The following LRMDA variants were observed in gnomAD, a reference collection of about 807,000 sequenced individuals.
LRMDA encodes the protein leucine rich melanocyte differentiation associated.
In LRMDA, 18 loss-of-function variants were observed where a neutral mutation model predicts 29.8. That is an observed-to-expected ratio of 0.60 (90% CI 0.42 to 0.90). The LOEUF (loss-of-function observed/expected upper bound fraction) is 0.90, where lower values mean the gene tolerates loss of function less well. LRMDA is among the 40% of genes least tolerant of loss of function. LRMDA has a pLI of 0.00. For synonymous variants in LRMDA, 125 were observed against 109.4 expected (o/e 1.14, Z -0.89); for missense variants, 273 against 273.9 (o/e 1.00, Z 0.02).
intron 6 of LRMDA, among the ~76,000 whole-genome samples, chr10:76,467,996 G>A (rs1321596389): frequency 2.0e-5 from 3 of 152,182 alleles, no homozygotes; most frequent in Non-Finnish European, 2.9e-5. Flanking sequence ...AATGTCAACA[G>A]TCATTTAAAT....
intron 2 of LRMDA, among the ~76,000 whole-genome samples, chr10:75,854,311 G>C (rs1844784570): frequency 6.6e-6 from 1 of 152,056 alleles, no homozygotes. Context: ...ATATTCCCCT[G>C]TGTGGTATAT....
intron 2 of LRMDA, among the ~76,000 whole-genome samples, chr10:75,572,053 A>G (rs965254192): frequency 1.1e-4 from 16 of 152,146 alleles, no homozygotes; most frequent in African/African-American, 3.9e-4. Context: ...TCCCGGGTTC[A>G]AGCGATTCTC....
intron 6 of LRMDA, among the ~76,000 whole-genome samples, chr10:76,440,075 C>T (rs537366610): frequency 4.6e-5 from 7 of 152,268 alleles, no homozygotes; most frequent in South Asian, 4.1e-4. Flanking sequence ...AAGTAACTGA[C>T]ACTGTACATA....
chr10:75,981,635 C>T (rs947129948), intron 2 of LRMDA, among the ~76,000 whole-genome samples: 9 of 152,038 alleles, frequency 5.9e-5, no homozygotes, highest in African/African-American at 1.7e-4. Flanking sequence ...GGGCAGATCA[C>T]GAGGTCAAGA....
At chr10:76,183,520 A>G (rs185706278) in intron 5 of LRMDA, among the ~76,000 whole-genome samples, 1,593 of 152,300 alleles carry the variant, frequency 0.01, 14 homozygotes, top group Middle Eastern at 0.017. Context: ...ATTTCTGTTC[A>G]GAAAACTGAA....
chr10:75,557,580 C>T (rs982014628), intron 2 of LRMDA, among the ~76,000 whole-genome samples: 1 of 152,142 alleles, frequency 6.6e-6, no homozygotes, highest in Non-Finnish European at 1.5e-5. Flanking sequence ...TGAGGCATGG[C>T]TTCTGGTTTG....
chr10:76,301,195 A>G (rs1443373477), intron 5 of LRMDA, among the ~76,000 whole-genome samples: 1 of 152,256 alleles, frequency 6.6e-6, no homozygotes, highest in Admixed American at 6.5e-5. Context: ...TGCAAATTTT[A>G]TTAAGTTACC....
intron 2 of LRMDA, among the ~76,000 whole-genome samples, chr10:75,584,706 T>C (rs1840637192): frequency 6.6e-6 from 1 of 152,062 alleles, no homozygotes; most frequent in Non-Finnish European, 1.5e-5. Context: ...TGTGGGTAAT[T>C]TTTTGTCTCC....
chr10:76,481,329 A>G (rs1842731222), intron 6 of LRMDA, among the ~76,000 whole-genome samples: 2 of 151,362 alleles, frequency 1.3e-5, no homozygotes. Flanking sequence ...AATGGGCCTG[A>G]AATGACCTTT....
At chr10:75,541,855 G>A (rs1645318537) in intron 2 of LRMDA, among the ~76,000 whole-genome samples, 1 of 152,098 alleles carries the variant, frequency 6.6e-6, no homozygotes, top group African/African-American at 2.4e-5. Context: ...TCCTGTTTCT[G>A]ATACTCTGAG....
intron 2 of LRMDA, among the ~76,000 whole-genome samples, chr10:75,518,573 T>A (rs1462597641): frequency 6.6e-6 from 1 of 152,216 alleles, no homozygotes; most frequent in Non-Finnish European, 1.5e-5. Flanking sequence ...TTATTGTGTC[T>A]ATTCGATTCT....
intron 5 of LRMDA, among the ~76,000 whole-genome samples, chr10:76,276,821 C>T (rs1296968154): frequency 6.6e-6 from 1 of 152,142 alleles, no homozygotes; most frequent in Non-Finnish European, 1.5e-5. Flanking sequence ...TTCTTTCAGA[C>T]TATGGGTTCT....
At chr10:75,690,981 ATAT>A (rs1564540911) in intron 2 of LRMDA, among the ~76,000 whole-genome samples, 30 of 86,762 alleles carry the variant, frequency 3.5e-4, no homozygotes, top group East Asian at 2.4e-3. Context: ...AAAAAAAAAT[ATAT>A]ATATATATAT....
At chr10:76,291,258 C>T (rs974658000) in intron 5 of LRMDA, among the ~76,000 whole-genome samples, 5 of 152,222 alleles carry the variant, frequency 3.3e-5, no homozygotes, top group African/African-American at 1.2e-4. Context: ...ATAAATAACA[C>T]AGACACTTCA....
intron 5 of LRMDA, among the ~76,000 whole-genome samples, chr10:76,145,594 AGT>A (rs1564665793): frequency 6.6e-6 from 1 of 152,056 alleles, no homozygotes; most frequent in African/African-American, 2.4e-5. Flanking sequence ...CTTCTTTAGT[AGT>A]CTTGCTAACA....
At chr10:76,390,885 C>T (rs756517277) in intron 6 of LRMDA, among the ~76,000 whole-genome samples, 7 of 152,134 alleles carry the variant, frequency 4.6e-5, no homozygotes, top group Non-Finnish European at 8.8e-5. Context: ...AGGGAGTTCA[C>T]CAAAGGTGAT....
intron 6 of LRMDA, among the ~76,000 whole-genome samples, chr10:76,429,636 C>CT (rs1842170032): frequency 6.6e-6 from 1 of 152,144 alleles, no homozygotes; most frequent in Non-Finnish European, 1.5e-5. Flanking sequence ...GAAAGAAACT[C>CT]TTTTTTCATT....
Position 75,935,118 on chromosome 10 carries a change from C to T in LRMDA, c.132-100890C>T, listed in dbSNP as rs528906292. Among the ~76,000 whole-genome samples, 3 of 152,190 alleles carry T rather than the reference C, an allele frequency of 2.0e-5. No homozygotes were observed. The South Asian group carries it at 6.2e-4, about 32-fold the overall frequency. On this transcript the variant is annotated intron_variant, in intron 2 of 6. Transcript: ENST00000611255. ...AGAAACAAGAATCCTTTTTCTTTCC[C>T]GTCTCCATCCTTCCCTTACTCCTGC...
chr10:75,565,497 G>A (rs1840360345), intron 2 of LRMDA, among the ~76,000 whole-genome samples: 1 of 152,160 alleles, frequency 6.6e-6, no homozygotes, highest in South Asian at 2.1e-4. Flanking sequence ...GCACAGCTGA[G>A]GGCATTTTCA....
Sources: allele counts gnomAD v4.1 joint callset (sites outside exome capture counted in the v4.1 genomes callset), GRCh38; gene constraint gnomAD v4.1.1; transcripts MANE v1.5; gene names NCBI Gene and HGNC (gene_info 2026-07-23, HGNC 2026-07-21).